NELL1: variants seen among roughly 807,000 people sequenced by gnomAD.
NELL1 encodes the protein protein kinase C-binding protein NELL1.
NELL1 carries 76 observed loss-of-function variants against 107.4 expected under a neutral mutation model. The ratio of observed to expected loss-of-function variants is 0.71; its 90% CI spans 0.59 to 0.86. The LOEUF (loss-of-function observed/expected upper bound fraction) is 0.86. NELL1 is among the 40% of genes least tolerant of loss of function. The pLI, the probability that NELL1 is intolerant of heterozygous loss-of-function variation, is 0.00. For missense variants in NELL1, 1,024 were observed against 1,005.5 expected, an observed-to-expected ratio of 1.02 and a Z score of -0.25; for synonymous variants, 353 against 341.2, an observed-to-expected ratio of 1.03 and a Z score of -0.38.
chr11:21,114,284 G>C (rs780389870), intron 13 of NELL1, among the ~76,000 whole-genome samples: 1 of 151,958 alleles, frequency 6.6e-6, no homozygotes, highest in Non-Finnish European at 1.5e-5. Context: ...GGGGCATTTG[G>C]TTTGGCTTTC....
At chr11:21,310,214 A>G (rs10833501) in intron 14 of NELL1, among the ~76,000 whole-genome samples, 42,451 of 151,964 alleles carry the variant, frequency 0.28, 7,286 homozygotes, top group Middle Eastern at 0.41. Flanking sequence ...CAGATTTGAA[A>G]CCAGATCTAC....
intron 15 of NELL1, among the ~76,000 whole-genome samples, chr11:21,533,471 A>C (rs1034498464): frequency 2.0e-5 from 3 of 152,206 alleles, no homozygotes; most frequent in African/African-American, 7.2e-5. Context: ...CATTCTAAGA[A>C]ATAATTACTT....
chr11:21,304,454 G>C (rs1017777755), intron 14 of NELL1, among the ~76,000 whole-genome samples: 4 of 151,982 alleles, frequency 2.6e-5, no homozygotes, highest in Non-Finnish European at 5.9e-5. Context: ...TGATGCAGTG[G>C]GGAAAGGATT....
At chr11:21,291,033 A>C (rs1849247117) in intron 14 of NELL1, among the ~76,000 whole-genome samples, 1 of 152,208 alleles carries the variant, frequency 6.6e-6, no homozygotes, top group Non-Finnish European at 1.5e-5. Flanking sequence ...GGTGGGTAAC[A>C]GCAAACTCTC....
chr11:21,476,587 T>C (rs761161578), intron 15 of NELL1, among the ~76,000 whole-genome samples: 25 of 152,130 alleles, frequency 1.6e-4, no homozygotes, highest in Non-Finnish European at 3.4e-4. Context: ...CCTGCAAGAA[T>C]AGCAAATTGA....
chr11:20,941,614 G>A (rs1306357968), intron 10 of NELL1, among the ~76,000 whole-genome samples: 1 of 152,118 alleles, frequency 6.6e-6, no homozygotes, highest in Non-Finnish European at 1.5e-5. Context: ...GAGGAATGTG[G>A]AACATTTTGC....
At chr11:21,191,401 C>T (rs1373084416) in intron 13 of NELL1, among the ~76,000 whole-genome samples, 1 of 151,538 alleles carries the variant, frequency 6.6e-6, no homozygotes, top group Non-Finnish European at 1.5e-5. Flanking sequence ...CTGGAGAAGT[C>T]AAAAAACAAA....
chr11:21,201,989 C>T (rs1250457947), intron 13 of NELL1, among the ~76,000 whole-genome samples: 9 of 152,058 alleles, frequency 5.9e-5, no homozygotes, highest in African/African-American at 1.9e-4. Flanking sequence ...ACTTGATCGT[C>T]GTGGATAAGC....
At chr11:21,085,737 A>G (rs963388336) in intron 12 of NELL1, among the ~76,000 whole-genome samples, 1 of 152,234 alleles carries the variant, frequency 6.6e-6, no homozygotes, top group Non-Finnish European at 1.5e-5. Context: ...GAAATTTGGC[A>G]TTGTTAGAGT....
chr11:21,128,070 C>T (rs1002112899), intron 13 of NELL1, among the ~76,000 whole-genome samples: 1 of 152,098 alleles, frequency 6.6e-6, no homozygotes, highest in Admixed American at 6.5e-5. Flanking sequence ...ACTATGCATG[C>T]TTACGGACTC....
In NELL1 at chr11:20,827,272, T is replaced by C. The variant is rs377167440; in HGVS notation, c.336-20311T>C. 5.5e-4 allele frequency among the ~76,000 whole-genome samples: 83 copies of C among 151,272 alleles called. 1 individual carries two copies. Among genetic ancestry groups the C allele is most frequent in the African/African-American group, 1.9e-3 (78 of 41,354 alleles). On this transcript the variant is annotated intron_variant, in intron 3 of 19. Transcript: ENST00000357134. Reference sequence around the variant, plus strand: ...TATGTTTTTATTCTTGTGCCAAAGCTCTGTAGATACTGTCAGTGCTCATTA... The same window carrying C: ...TATGTTTTTATTCTTGTGCCAAAGCCCTGTAGATACTGTCAGTGCTCATTA...
At chr11:21,109,375 G>A (rs192258500) in intron 12 of NELL1, among the ~76,000 whole-genome samples, 1 of 152,206 alleles carries the variant, frequency 6.6e-6, no homozygotes, top group Admixed American at 6.5e-5. Flanking sequence ...GGTTAACTGT[G>A]GTTCTTCCTA....
chr11:21,281,535 T>C (rs1791874), intron 14 of NELL1, among the ~76,000 whole-genome samples: 135,232 of 152,146 alleles, frequency 0.89, 60,407 homozygotes, highest in Non-Finnish European at 0.93. Flanking sequence ...CCACAGATTG[T>C]AGACCCAGGG....
chr11:20,748,718 G>C (rs1001331530), intron 2 of NELL1, among the ~76,000 whole-genome samples: 1 of 152,084 alleles, frequency 6.6e-6, no homozygotes, highest in African/African-American at 2.4e-5. Flanking sequence ...CTCCATTCAA[G>C]TTGCTGTAAA....
intron 4 of NELL1, among the ~76,000 whole-genome samples, chr11:20,873,480 T>C (rs1239685107): frequency 1.3e-5 from 2 of 152,256 alleles, no homozygotes; most frequent in Non-Finnish European, 2.9e-5. Flanking sequence ...TGATCTCACC[T>C]AAAAACATTA....
chr11:21,323,211 A>G lies in NELL1; in HGVS notation c.1550-47642A>G, dbSNP rs1250673963. ...GAGAAATTATTGTGGGAATGTAACA[A>G]ATTTTTAAACTGAGGCTGAAAGCTC... On this transcript the variant is annotated intron_variant, in intron 14 of 19. Transcript: ENST00000357134. Among the ~76,000 whole-genome samples, 6 of 152,156 alleles carry G rather than the reference A, an allele frequency of 3.9e-5. No individual in the cohort carries two copies. The East Asian group carries it at 7.7e-4, about 20-fold the overall frequency.
At chr11:21,154,638 G>A (rs996018230) in intron 13 of NELL1, among the ~76,000 whole-genome samples, 5 of 152,212 alleles carry the variant, frequency 3.3e-5, no homozygotes, top group Non-Finnish European at 7.4e-5. Context: ...AAATAGTCAT[G>A]AAGGAGGAGA....
chr11:21,132,875 G>A (rs1855656025), intron 13 of NELL1, among the ~76,000 whole-genome samples: 1 of 152,144 alleles, frequency 6.6e-6, no homozygotes, highest in Non-Finnish European at 1.5e-5. Flanking sequence ...CCAATTTCTT[G>A]TCCCGCATCC....
intron 13 of NELL1, among the ~76,000 whole-genome samples, chr11:21,156,794 T>C (rs1333303199): frequency 6.6e-6 from 1 of 152,066 alleles, no homozygotes; most frequent in African/African-American, 2.4e-5. Flanking sequence ...GAGCAGCTAT[T>C]AATATATACC....
Sources: allele counts gnomAD v4.1 joint callset (sites outside exome capture counted in the v4.1 genomes callset), GRCh38; gene constraint gnomAD v4.1.1; transcripts MANE v1.5; gene names NCBI Gene and HGNC (gene_info 2026-07-23, HGNC 2026-07-21).